The following ESRRB variants were observed in gnomAD, a reference collection of about 807,000 sequenced individuals.
ESRRB encodes estrogen related receptor beta, also known as steroid hormone receptor ERR2.
A neutral mutation model predicts 46.0 loss-of-function variants in ESRRB; 16 were observed. The observed-to-expected ratio is 0.35, with a 90% CI of 0.24 to 0.53. The LOEUF is 0.53. Among genes scored for constraint, ESRRB ranks in the 20% least tolerant of loss-of-function variants. The pLI, the probability that ESRRB is intolerant of heterozygous loss-of-function variation, is 0.93. For missense variants in ESRRB, 488 were observed against 607.4 expected (o/e 0.80, Z 2.07); for synonymous variants, 246 against 259.6 (o/e 0.95, Z 0.50).
intron 1 of ESRRB, among the ~76,000 whole-genome samples, chr14:76,416,003 C>T (rs1274009793): frequency 1.3e-5 from 2 of 152,260 alleles, no homozygotes; most frequent in Admixed American, 1.3e-4. Context: ...TACCATATTA[C>T]AGTATTAAAT....
At chr14:76,491,355 G>A (rs550459553) in intron 5 of ESRRB, 92 bp from the exon 6 acceptor site, 134 of 1,352,258 alleles carry the variant, frequency 9.9e-5, no homozygotes, top group African/African-American at 6.8e-4. Context: ...AACCAGCCAC[G>A]CCCTGCAACC....
At chr14:76,358,554 A>T (rs1416081620) in intron 1 of ESRRB, among the ~76,000 whole-genome samples, 1 of 151,962 alleles carries the variant, frequency 6.6e-6, no homozygotes. Flanking sequence ...AAATTCAGTT[A>T]ACTGTATGCT....
chr14:76,350,861 C>T (rs182406669), intron 1 of ESRRB, among the ~76,000 whole-genome samples: 18 of 152,332 alleles, frequency 1.2e-4, no homozygotes, highest in Admixed American at 1.0e-3. Flanking sequence ...AATCAACAGG[C>T]AGTACATCAG....
chr14:76,490,402 C>G (rs1356701766), intron 5 of ESRRB, among the ~76,000 whole-genome samples: 20 of 152,186 alleles, frequency 1.3e-4, no homozygotes. Context: ...TATCATTGTT[C>G]TGCAGTGAGA....
intron 1 of ESRRB, among the ~76,000 whole-genome samples, chr14:76,315,399 G>A (rs552575787): frequency 5.9e-5 from 9 of 152,208 alleles, no homozygotes; most frequent in South Asian, 2.1e-4. Context: ...CGTGCTCTAC[G>A]GACAGTAGAG....
intron 2 of ESRRB, 46 bp from the exon 3 acceptor site, chr14:76,462,499 C>T (rs574446165): frequency 2.0e-6 from 3 of 1,473,374 alleles, no homozygotes; most frequent in Admixed American, 3.5e-5. Context: ...CAGGTGGGGG[C>T]CCTGGGCGGC....
Position 76,482,783 on chromosome 14 carries a change from A to C in ESRRB, c.850+24A>C. ...AGGTGAGCATGTGGGACCAGGGGAGAGTGTGGCCAGGGACTCTCAGCCGGT... is the reference window on the plus strand; with the variant it reads ...AGGTGAGCATGTGGGACCAGGGGAGCGTGTGGCCAGGGACTCTCAGCCGGT... On this transcript the variant is annotated intron_variant, in intron 5 of 6. Coordinates refer to ENST00000644823, the MANE Select transcript of ESRRB (RefSeq NM_001379180.1). This position sits in a 1 kb window ranked among gnomAD's most constrained non-coding sequence, Gnocchi z 4.3. 1 of 1,613,064 alleles carries C rather than the reference A, an allele frequency of 6.2e-7. No individual in the cohort carries two copies. Among genetic ancestry groups the C allele is most frequent in the East Asian group, 2.2e-5 (1 of 44,852 alleles).
intron 1 of ESRRB, among the ~76,000 whole-genome samples, chr14:76,428,059 C>T (rs746191315): frequency 5.3e-5 from 8 of 152,162 alleles, no homozygotes; most frequent in South Asian, 4.1e-4. Flanking sequence ...AGTGCAATGG[C>T]GCAATCTTGG....
At chr14:76,335,136 G>T (rs570047367) in intron 1 of ESRRB, among the ~76,000 whole-genome samples, 17 of 152,230 alleles carry the variant, frequency 1.1e-4, no homozygotes, top group Admixed American at 9.2e-4. Flanking sequence ...ACCCTGTTTG[G>T]CAACTCGCTT....
intron 1 of ESRRB, among the ~76,000 whole-genome samples, chr14:76,318,239 T>C (rs1326563741): frequency 6.6e-6 from 1 of 152,150 alleles, no homozygotes; most frequent in East Asian, 1.9e-4. Context: ...CTAAAAGTCC[T>C]TTAGCAGAGT....
chr14:76,344,959 TC>T (rs1315150938), intron 1 of ESRRB, among the ~76,000 whole-genome samples: 1 of 152,208 alleles, frequency 6.6e-6, no homozygotes, highest in African/African-American at 2.4e-5. Flanking sequence ...ATACTACAGT[TC>T]CTTTATCTAC....
intron 2 of ESRRB, among the ~76,000 whole-genome samples, chr14:76,448,792 G>A (rs1245349022): frequency 2.6e-5 from 4 of 152,184 alleles, no homozygotes; most frequent in Admixed American, 2.0e-4. Flanking sequence ...GTTTGCATAT[G>A]TGTAAACTTT....
intron 3 of ESRRB, among the ~76,000 whole-genome samples, chr14:76,478,766 C>T (rs1215335339): frequency 1.3e-5 from 2 of 152,034 alleles, no homozygotes; most frequent in Non-Finnish European, 2.9e-5. Context: ...TCTATGTAGA[C>T]ATGTCACAGG....
chr14:76,455,835 G>C (rs1888581960), intron 2 of ESRRB, among the ~76,000 whole-genome samples: 1 of 152,066 alleles, frequency 6.6e-6, no homozygotes, highest in African/African-American at 2.4e-5. Context: ...CCTGAAGTCA[G>C]GAGTTCGAGA....
At chr14:76,324,527 G>A (rs923000201) in intron 1 of ESRRB, among the ~76,000 whole-genome samples, 21 of 152,152 alleles carry the variant, frequency 1.4e-4, no homozygotes, top group African/African-American at 4.6e-4. Context: ...GGGGTCCCTC[G>A]AGAATGTGAC....
chr14:76,478,457 C>G (rs1483118949), intron 3 of ESRRB, among the ~76,000 whole-genome samples: 3 of 152,016 alleles, frequency 2.0e-5, no homozygotes, highest in Non-Finnish European at 4.4e-5. Flanking sequence ...TTGTGTTGAG[C>G]ATGCCTCACT....
At chr14:76,451,287 G>A (rs935344) in intron 2 of ESRRB, among the ~76,000 whole-genome samples, 23,632 of 152,030 alleles carry the variant, frequency 0.16, 2,972 homozygotes, top group African/African-American at 0.35. Flanking sequence ...TCAGCTTCAC[G>A]ATTTCTTAGT....
chr14:76,458,969 C>T (rs535324836), intron 2 of ESRRB, among the ~76,000 whole-genome samples: 2 of 151,976 alleles, frequency 1.3e-5, no homozygotes, highest in South Asian at 4.2e-4. Context: ...CTCAGCCTCC[C>T]GACTAGCTGG....
intron 1 of ESRRB, among the ~76,000 whole-genome samples, chr14:76,379,860 CAAAAAAAA>C (rs34925535): frequency 1.6e-5 from 2 of 127,078 alleles, no homozygotes; most frequent in Non-Finnish European, 3.2e-5. Context: ...AGATCTGTTC[CAAAAAAAA>C]AAAAAAAAAG....
Sources: allele counts gnomAD v4.1 joint callset (sites outside exome capture counted in the v4.1 genomes callset), GRCh38; gene constraint gnomAD v4.1.1; non-coding constraint Gnocchi (gnomAD v3.1); transcripts MANE v1.5; gene names NCBI Gene and HGNC (gene_info 2026-07-23, HGNC 2026-07-21).